TMED3: variants seen among roughly 807,000 people sequenced by gnomAD.
TMED3 encodes transmembrane p24 trafficking protein 3.
In TMED3, 9 loss-of-function variants were observed where a neutral mutation model predicts 15.0. That is an observed-to-expected ratio of 0.60 (90% CI 0.36 to 1.04). The LOEUF is 1.04. TMED3 is among the 50% of genes least tolerant of loss of function. TMED3 has a pLI of 0.01. For missense variants in TMED3, 267 were observed against 278.9 expected (o/e 0.96, Z 0.30); for synonymous variants, 117 against 121.4 (o/e 0.96, Z 0.24).
intron 2 of TMED3, among the ~76,000 whole-genome samples, chr15:79,401,066 T>C (rs1893827295): frequency 6.6e-6 from 1 of 152,186 alleles, no homozygotes; most frequent in East Asian, 1.9e-4. Context: ...AGACCCCATA[T>C]ATTTTACCAT....
rs139774003 is a variant in TMED3 at position 79,320,223 on chromosome 15, C to T, written c.418-1755C>T. On this transcript the variant is annotated intron_variant, in intron 2 of 2. Coordinates refer to ENST00000299705, the MANE Select transcript of TMED3 (RefSeq NM_007364.4). Reference sequence around the variant, plus strand: ...CCCTGTCCAGGCATAACAGAAGGCTCGCACTCTTGTCTTCTGGTCACTTCT... The same window carrying T: ...CCCTGTCCAGGCATAACAGAAGGCTTGCACTCTTGTCTTCTGGTCACTTCT... Among the ~76,000 whole-genome samples, 434 of 152,336 alleles carry T rather than the reference C, an allele frequency of 2.8e-3. 3 individuals carry two copies. The highest frequency in any genetic ancestry group is 0.01 in the African/African-American group (417 of 41,576).
chr15:79,385,823 C>A (rs1034173406), intron 2 of TMED3, among the ~76,000 whole-genome samples: 8 of 152,208 alleles, frequency 5.3e-5, no homozygotes, highest in Non-Finnish European at 8.8e-5. Flanking sequence ...GGCAGAGCTC[C>A]CACTGGCTTC....
chr15:79,376,092 G>T (rs1488866786), intron 2 of TMED3, among the ~76,000 whole-genome samples: 1 of 112,064 alleles, frequency 8.9e-6, no homozygotes, highest in Non-Finnish European at 1.8e-5. Flanking sequence ...CTAGAGAAAG[G>T]TTTTTTTTTT....
exon 3 of TMED3, chr15:79,413,547 T>C (rs1368302580): frequency 6.6e-6 from 1 of 152,242 alleles, no homozygotes; most frequent in African/African-American, 2.4e-5. Context: ...AGAGGGGAAA[T>C]TGCCATCCAG....
downstream of TMED3, among the ~76,000 whole-genome samples, chr15:79,323,705 A>C (rs7167868): frequency 0.24 from 36,362 of 152,104 alleles, 4,310 homozygotes; most frequent in Admixed American, 0.29. Context: ...GAGTTTAAAG[A>C]ATTGAAGGAC....
At chr15:79,371,618 A>G (rs1893340751) in intron 2 of TMED3, among the ~76,000 whole-genome samples, 1 of 152,218 alleles carries the variant, frequency 6.6e-6, no homozygotes. Context: ...TCAAAGGGCC[A>G]GGGATGAAAC....
intron 2 of TMED3, among the ~76,000 whole-genome samples, chr15:79,365,155 T>A (rs1162972912): frequency 2.0e-5 from 3 of 152,246 alleles, no homozygotes; most frequent in Admixed American, 6.5e-5. Context: ...CAGGGAACTC[T>A]CCTGTTTTGC....
intron 2 of TMED3, among the ~76,000 whole-genome samples, chr15:79,377,188 A>G (rs1205236475): frequency 6.6e-6 from 1 of 152,102 alleles, no homozygotes; most frequent in East Asian, 1.9e-4. Context: ...TTTCTTTTCT[A>G]CAGTGGGCCT....
rs201370322 is a variant in TMED3 at position 79,322,034 on chromosome 15, G to A, written c.474G>A (p.Gln158=). The A allele has an allele frequency of 2.3e-5, 37 of 1,614,228 alleles. No individual in the cohort carries two copies. Among genetic ancestry groups the A allele is most frequent in the Non-Finnish European group, 2.8e-5 (33 of 1,180,044 alleles). Residue 158 remains glutamine (Q), a synonymous_variant, in exon 3 of 3, where the codon CAG becomes CAA. Coordinates refer to ENST00000299705, the MANE Select transcript of TMED3 (RefSeq NM_007364.4). ...HEALKTVIDS[Q]THYRLREAQD... ...CTCTGAAAACGGTGATTGACTCCCAGACGCATTACCGGCTGCGGGAGGCCC... is the reference window on the plus strand; with the variant it reads ...CTCTGAAAACGGTGATTGACTCCCAAACGCATTACCGGCTGCGGGAGGCCC...
chr15:79,383,152 TC>T, intron 2 of TMED3: 1 of 836,112 alleles, frequency 1.2e-6, no homozygotes. Context: ...TCCTGCCTTG[TC>T]CACTCTCACC....
chr15:79,342,997 A>G (rs2058856891), intron 2 of TMED3, among the ~76,000 whole-genome samples: 1 of 152,190 alleles, frequency 6.6e-6, no homozygotes, highest in African/African-American at 2.4e-5. Flanking sequence ...GGAAGGTCTC[A>G]TCGATGAGAT....
In TMED3 at chr15:79,311,358, G is replaced by T. The variant is rs376535522; in HGVS notation, c.109G>T (p.Ala37Ser). 4.3e-6 allele frequency: 7 copies of T among 1,611,890 alleles called. No individual in the cohort carries two copies. In the African/African-American group the frequency reaches 8.0e-5, roughly 18 times the overall value. ...AELTFELPDN[A>S]KQCFHEEVEQ... Reference sequence around the variant, plus strand: ...GCTCACCTTCGAGCTGCCGGACAACGCCAAGCAGTGCTTCCACGAGGAGGT... The same window carrying T: ...GCTCACCTTCGAGCTGCCGGACAACTCCAAGCAGTGCTTCCACGAGGAGGT... Residue 37 changes from alanine to serine, a missense_variant, in exon 1 of 3, where the codon GCC becomes TCC. Around this residue, in one of 3 missense-constraint regions of TMED3, gnomAD observed 69 missense variants for 106.8 expected, o/e 0.65. Transcript: ENST00000299705.
rs532738676 is a variant in TMED3, at chr15:79,316,257, G to A, written c.417+2252G>A. 2.0e-5 allele frequency among the ~76,000 whole-genome samples: 3 copies of A among 152,312 alleles called. No homozygotes were observed. In the East Asian group the frequency reaches 5.8e-4, roughly 29 times the overall value. The stretch of plus-strand genomic sequence containing the variant: ...TTCAGGTCCAAAGGACTTGTTTCAG[G>A]CCGGAGTTCAGGAAAACCAGGCTCC... On this transcript the variant is annotated intron_variant, in intron 2 of 2. Transcript: ENST00000299705.
At chr15:79,369,049 G>T (rs1269712942) in intron 2 of TMED3, among the ~76,000 whole-genome samples, 1 of 150,112 alleles carries the variant, frequency 6.7e-6, no homozygotes, top group African/African-American at 2.5e-5. Context: ...AGCCGAGATC[G>T]CACCACTGTA....
At chr15:79,344,915 G>A (rs528345341) in intron 2 of TMED3, among the ~76,000 whole-genome samples, 33 of 152,310 alleles carry the variant, frequency 2.2e-4, no homozygotes, top group African/African-American at 6.3e-4. Context: ...AGCAGTAGCC[G>A]GAAGGAGATG....
intron 2 of TMED3, chr15:79,411,288 AG>A: frequency 3.4e-6 from 2 of 595,456 alleles, no homozygotes; most frequent in Admixed American, 2.5e-5. Flanking sequence ...TCTTCCACAA[AG>A]GGGCTAGGCA....
intron 2 of TMED3, among the ~76,000 whole-genome samples, chr15:79,342,935 G>T (rs1032275870): frequency 6.6e-6 from 1 of 152,140 alleles, no homozygotes; most frequent in Non-Finnish European, 1.5e-5. Flanking sequence ...TTAGGTGTGG[G>T]TATAAAGAGT....
At chr15:79,318,019 C>G (rs913983772) in intron 2 of TMED3, among the ~76,000 whole-genome samples, 7 of 152,346 alleles carry the variant, frequency 4.6e-5, no homozygotes, top group African/African-American at 1.4e-4. Flanking sequence ...CTCCCCACAG[C>G]TGCTTCTCCA....
intron 2 of TMED3, among the ~76,000 whole-genome samples, chr15:79,336,733 A>C (rs11631502): frequency 2.0e-5 from 3 of 152,078 alleles, no homozygotes; most frequent in African/African-American, 7.2e-5. Flanking sequence ...CAAACAAAGA[A>C]AAAAACACAT....
Sources: gnomAD v4.1 joint callset for allele counts (sites outside exome capture counted in the v4.1 genomes callset) on GRCh38, gnomAD v4.1.1 for gene constraint, gnomAD v4.1.1 regional missense constraint, MANE v1.5 for transcripts, NCBI Gene and HGNC (gene_info 2026-07-23, HGNC 2026-07-21) for gene names.